Variants in PTGDR observed in about 807,000 individuals in gnomAD.
PTGDR encodes the protein prostaglandin D2 receptor, also known as PGD2 receptor.
In PTGDR, 19 loss-of-function variants were observed where a neutral mutation model predicts 17.4. That is an observed-to-expected ratio of 1.09 (90% CI 0.76 to 1.60). PTGDR has a LOEUF of 1.60. Among genes scored for constraint, PTGDR ranks in the 40% most tolerant of loss-of-function variants. The pLI is 0.00. For missense variants in PTGDR, 526 were observed against 481.9 expected (o/e 1.09, Z -0.86); for synonymous variants, 267 against 224.2 (o/e 1.19, Z -1.71).
chr14:52,275,071 C>G lies in PTGDR; in HGVS notation c.*107C>G. On this transcript the variant is annotated 3_prime_UTR_variant, in exon 2 of 2. Transcript: ENST00000306051. ...TTACAATTTAAATCCTTAAAAGTTA[C>G]CTCCCATAACAAAAGCATGTATATG... 1.2e-6 allele frequency: 1 copy of G among 866,956 alleles called. No homozygotes were observed. Among genetic ancestry groups the G allele is most frequent in the East Asian group, 2.7e-5 (1 of 37,702 alleles). 53.7% of individuals were successfully genotyped at this position (866,956 alleles called of 1,614,324 possible).
rs1216926899 is a variant in PTGDR at position 52,267,967 on chromosome 14, G to A, written c.153G>A (p.Arg51=). The A allele has an allele frequency of 6.2e-7, 1 of 1,609,150 alleles. No individual in the cohort carries two copies. The highest frequency in any genetic ancestry group is 1.1e-5 in the South Asian group (1 of 91,060). The change falls in exon 1 of 2, where the codon CGG becomes CGA. Residue 51 remains arginine (R), a synonymous_variant. Transcript: ENST00000306051. ...GCTCGGGGCTGGGGTGGTGCTCGCG[G>A]CGTCCACTGCGCCCGCTGCCCTCGG... is the stretch of plus-strand genomic sequence containing the variant. The part of the protein sequence containing the change: ...LARSGLGWCS[R]RPLRPLPSVF...
At position 52,269,429 on chromosome 14, in the gene PTGDR, A is replaced by G. The variant is rs923308722; in HGVS notation, c.846+769A>G. The G allele has an allele frequency of 2.3e-5, 35 of 1,494,854 alleles. No homozygotes were observed. In the Admixed American group the frequency reaches 6.9e-4, roughly 30 times the overall value. The allele number at this position is 1,494,854 out of a possible 1,614,324, so 92.6% of individuals were successfully genotyped here. On this transcript the variant is annotated intron_variant, in intron 1 of 1. Coordinates refer to ENST00000306051, the MANE Select transcript of PTGDR (RefSeq NM_000953.3). ...GGTAATGAGGATAGCGATGGAAATG[A>G]AATTATCTCCTCATTTTGAAGGCAT... is the stretch of plus-strand genomic sequence containing the variant.
At chr14:52,269,651 G>A (rs557254203) in intron 1 of PTGDR, 1 of 946,280 alleles carries the variant, frequency 1.1e-6, no homozygotes, top group African/African-American at 1.7e-5. Context: ...TTCTCAGAAT[G>A]TAGCCATTTT....
intron 1 of PTGDR, among the ~76,000 whole-genome samples, chr14:52,270,730 G>A (rs949865478): frequency 3.9e-5 from 6 of 152,104 alleles, no homozygotes; most frequent in Non-Finnish European, 8.8e-5. Context: ...TAAAGTTGGG[G>A]CCTCACTTAT....
At position 52,276,688 on chromosome 14, in the gene PTGDR, A is replaced by T. The variant is rs1282174902; in HGVS notation, c.*1724A>T. 1 of 152,142 alleles carries T rather than the reference A, an allele frequency of 6.6e-6. No individual in the cohort carries two copies. The highest frequency in any genetic ancestry group is 1.5e-5 in the Non-Finnish European group (1 of 68,030). The allele number at this position is 152,142 out of a possible 1,614,324, so 9.4% of individuals were successfully genotyped here. ...GGATAATTGTCCAGTTAATTTGAAA[A>T]GGCCCCAGATGAATCAATAAATATA... On this transcript the variant is annotated 3_prime_UTR_variant, in exon 2 of 2. Coordinates refer to ENST00000306051, the MANE Select transcript of PTGDR (RefSeq NM_000953.3).
chr14:52,278,639 G>GA (rs201299909), downstream of PTGDR, among the ~76,000 whole-genome samples: 2 of 151,542 alleles, frequency 1.3e-5, no homozygotes, highest in Admixed American at 6.6e-5. Flanking sequence ...TTAAAAAAAA[G>GA]AAAAAAAATA....
At position 52,268,159 on chromosome 14, in the gene PTGDR, T is replaced by C. The variant is rs1230394974; in HGVS notation, c.345T>C (p.Phe115=). 2 of 1,614,060 alleles carry C rather than the reference T, an allele frequency of 1.2e-6. No individual in the cohort carries two copies. Among genetic ancestry groups the C allele is most frequent in the Non-Finnish European group, 1.7e-6 (2 of 1,180,048 alleles). The part of the protein sequence containing the change: ...CQAFAFFMSF[F]GLSSTLQLLA... ...CCTTCGCCTTCTTCATGTCCTTCTT[T>C]GGGCTCTCCTCGACACTGCAACTCC... Residue 115 remains phenylalanine (F), a synonymous_variant, in exon 1 of 2, where the codon TTT becomes TTC. Transcript: ENST00000306051.
Position 52,268,165 on chromosome 14 carries a change from C to T in PTGDR, c.351C>T (p.Leu117=). The T allele has an allele frequency of 6.2e-7, 1 of 1,614,180 alleles. No individual in the cohort carries two copies. The highest frequency in any genetic ancestry group is 2.2e-5 in the East Asian group (1 of 44,878). ...CCTTCTTCATGTCCTTCTTTGGGCT[C>T]TCCTCGACACTGCAACTCCTGGCCA... ...AFAFFMSFFG[L]SSTLQLLAMA... Residue 117 remains leucine (L), a synonymous_variant, in exon 1 of 2, where the codon CTC becomes CTT. Transcript: ENST00000306051.
intron 1 of PTGDR, chr14:52,269,640 C>A: frequency 3.9e-6 from 4 of 1,027,252 alleles, no homozygotes; most frequent in Non-Finnish European, 5.6e-6. Flanking sequence ...TGTTAAATTT[C>A]TTCTCAGAAT....
At position 52,269,517 on chromosome 14, in the gene PTGDR, T is replaced by G. The variant is rs918393423; in HGVS notation, c.846+857T>G. On this transcript the variant is annotated intron_variant, in intron 1 of 1. Coordinates refer to ENST00000306051, the MANE Select transcript of PTGDR (RefSeq NM_000953.3). ...GTGAGGCTTGAGGAAACATTTTCAG[T>G]GCTGCTCCTCTCCTTTCTCCCAAGG... is the stretch of plus-strand genomic sequence containing the variant. 8 of 1,535,022 alleles carry G rather than the reference T, an allele frequency of 5.2e-6. No individual in the cohort carries two copies. The African/African-American group carries it at 6.8e-5, about 13-fold the overall frequency.
In PTGDR at chr14:52,275,927, G is replaced by A. The variant is rs41315100; in HGVS notation, c.*963G>A. ...CACCCAGGACTTAGCCTCAGTTGACGATAGTAACAATGGCCTTAACATCTA... is the reference window on the plus strand; with the variant it reads ...CACCCAGGACTTAGCCTCAGTTGACAATAGTAACAATGGCCTTAACATCTA... On this transcript the variant is annotated 3_prime_UTR_variant, in exon 2 of 2. Transcript: ENST00000306051. 3 of 152,706 alleles carry A rather than the reference G, an allele frequency of 2.0e-5. No homozygotes were observed. Among genetic ancestry groups the A allele is most frequent in the East Asian group, 1.9e-4 (1 of 5,188 alleles). 9.5% of individuals were successfully genotyped at this position (152,706 alleles called of 1,614,324 possible). A position where few individuals can be genotyped will look rare whatever the true frequency, so the allele number is the denominator to read the frequency against.
At position 52,275,612 on chromosome 14, in the gene PTGDR, G is replaced by C. The variant is rs201862335; in HGVS notation, c.*648G>C. The C allele has an allele frequency of 7.2e-5, 11 of 152,394 alleles. No individual in the cohort carries two copies. The highest frequency in any genetic ancestry group is 7.3e-5 in the Non-Finnish European group (5 of 68,118). 9.4% of individuals were successfully genotyped at this position (152,394 alleles called of 1,614,324 possible). A position where few individuals can be genotyped will look rare whatever the true frequency, so the allele number is the denominator to read the frequency against. On this transcript the variant is annotated 3_prime_UTR_variant, in exon 2 of 2. Transcript: ENST00000306051. ...GAAGCTGTAACTAGATGCAGAGCAAGATATGACTATAGCCCACAACCCAAA... is the reference window on the plus strand; with the variant it reads ...GAAGCTGTAACTAGATGCAGAGCAACATATGACTATAGCCCACAACCCAAA...
chr14:52,275,209 A>C lies in PTGDR; in HGVS notation c.*245A>C. The stretch of plus-strand genomic sequence containing the variant: ...AGCAACTAAAATTTTATATATTGTA[A>C]CCAGTGTTAAAAGTCTTAAAAAACA... On this transcript the variant is annotated 3_prime_UTR_variant, in exon 2 of 2. Transcript: ENST00000306051. The C allele has an allele frequency of 2.4e-6, 1 of 417,640 alleles. No homozygotes were observed. Among genetic ancestry groups the C allele is most frequent in the Non-Finnish European group, 4.3e-6 (1 of 232,950 alleles). The allele number at this position is 417,640 out of a possible 1,614,324, so 25.9% of individuals were successfully genotyped here.
intron 1 of PTGDR, chr14:52,269,431 A>C: frequency 6.7e-7 from 1 of 1,492,174 alleles, no homozygotes; most frequent in Non-Finnish European, 9.0e-7. Context: ...TGGAAATGAA[A>C]TTATCTCCTC....
rs2033412390 is a variant in PTGDR at position 52,275,745 on chromosome 14, T to G, written c.*781T>G. 6.6e-6 allele frequency: 1 copy of G among 152,604 alleles called. No individual in the cohort carries two copies. Among genetic ancestry groups the G allele is most frequent in the South Asian group, 2.1e-4 (1 of 4,828 alleles). The allele number at this position is 152,604 out of a possible 1,614,324, so 9.5% of individuals were successfully genotyped here. A position where few individuals can be genotyped will look rare whatever the true frequency, so the allele number is the denominator to read the frequency against. ...GGTGGGTTGCAAAATGTTCTTTCAG[T>G]TTTTAGAACCTCCATTTTATAAAAG... On this transcript the variant is annotated 3_prime_UTR_variant, in exon 2 of 2. Coordinates refer to ENST00000306051, the MANE Select transcript of PTGDR (RefSeq NM_000953.3).
rs755535443 is a variant in PTGDR at position 52,268,627 on chromosome 14, C to G, written c.813C>G (p.Thr271=). 17 of 1,600,250 alleles carry G rather than the reference C, an allele frequency of 1.1e-5. No individual in the cohort carries two copies. Among genetic ancestry groups the G allele is most frequent in the Non-Finnish European group, 1.4e-5 (16 of 1,173,974 alleles). ...ACCTCCTGCTGCTGGCGCTGATGACCGTGCTCTTCACTATGTGTTCTCTGC... is the reference window on the plus strand; with the variant it reads ...ACCTCCTGCTGCTGGCGCTGATGACGGTGCTCTTCACTATGTGTTCTCTGC... ...LDHLLLLALM[T]VLFTMCSLPV... Residue 271 remains threonine (T), a synonymous_variant, in exon 1 of 2, where the codon ACC becomes ACG. Coordinates refer to ENST00000306051, the MANE Select transcript of PTGDR (RefSeq NM_000953.3).
chr14:52,273,386 G>A (rs183275039), intron 1 of PTGDR, among the ~76,000 whole-genome samples: 92 of 152,246 alleles, frequency 6.0e-4, no homozygotes, highest in African/African-American at 1.9e-3. Flanking sequence ...ACTTTCTTCC[G>A]ATTGTATCAA....
At position 52,267,704 on chromosome 14, in the gene PTGDR, CA is replaced by C. The variant is rs1460319753; in HGVS notation, c.-110del. ...CGCCCTCGGAGCTTTTTCTGTGGCG[CA>C]GCTTCTCCGCCCGAGCCGCGCGCGG... On this transcript the variant is annotated 5_prime_UTR_variant, in exon 1 of 2. Coordinates refer to ENST00000306051, the MANE Select transcript of PTGDR (RefSeq NM_000953.3). The C allele has an allele frequency of 3.5e-6, 5 of 1,424,754 alleles. No individual in the cohort carries two copies. Among genetic ancestry groups the C allele is most frequent in the African/African-American group, 1.5e-5 (1 of 68,416 alleles). The allele number at this position is 1,424,754 out of a possible 1,614,324, so 88.3% of individuals were successfully genotyped here. A position where few individuals can be genotyped will look rare whatever the true frequency, so the allele number is the denominator to read the frequency against.
downstream of PTGDR, among the ~76,000 whole-genome samples, chr14:52,279,008 A>T (rs1458831748): frequency 1.3e-5 from 2 of 152,180 alleles, no homozygotes; most frequent in African/African-American, 4.8e-5. Flanking sequence ...TTATACATTG[A>T]ATCTTTCTTT....
Sources: gnomAD v4.1 joint callset for allele counts (sites outside exome capture counted in the v4.1 genomes callset) on GRCh38, gnomAD v4.1.1 for gene constraint, MANE v1.5 for transcripts, NCBI Gene and HGNC (gene_info 2026-07-23, HGNC 2026-07-21) for gene names.